Variants in DENND1A observed in about 807,000 individuals in gnomAD.
DENND1A encodes DENN domain containing 1A.
In DENND1A, 51 loss-of-function variants were observed where a neutral mutation model predicts 113.7. The ratio of observed to expected loss-of-function variants is 0.45; its 90% CI spans 0.36 to 0.57. The LOEUF (loss-of-function observed/expected upper bound fraction) is 0.57. Ranked by LOEUF, DENND1A falls within the 20% of genes least tolerant of loss-of-function variation. The pLI is 0.00. For synonymous variants in DENND1A, 565 were observed against 570.8 expected, an observed-to-expected ratio of 0.99 and a Z score of 0.14; for missense variants, 1,258 against 1,395.9, an observed-to-expected ratio of 0.90 and a Z score of 1.57.
chr9:123,493,725 A>G (rs1205450306), intron 13 of DENND1A, among the ~76,000 whole-genome samples: 2 of 152,164 alleles, frequency 1.3e-5, no homozygotes, highest in Non-Finnish European at 2.9e-5. Flanking sequence ...GTACCGAAGA[A>G]TAGCCCGAGA....
intron 2 of DENND1A, among the ~76,000 whole-genome samples, chr9:123,855,927 C>T (rs540410341): frequency 1.9e-4 from 29 of 152,194 alleles, no homozygotes; most frequent in Non-Finnish European, 3.8e-4. Flanking sequence ...ATCCCAGCTA[C>T]TCGGGAGGCT....
At chr9:123,811,575 T>G (rs1029778758) in intron 2 of DENND1A, among the ~76,000 whole-genome samples, 2 of 152,150 alleles carry the variant, frequency 1.3e-5, no homozygotes, top group South Asian at 2.1e-4. Context: ...GTGGCTAACA[T>G]GGTGAAACCC....
At chr9:123,487,521 AATGCGC>A (rs1161026264) in intron 13 of DENND1A, among the ~76,000 whole-genome samples, 1 of 152,222 alleles carries the variant, frequency 6.6e-6, no homozygotes, top group Non-Finnish European at 1.5e-5. Flanking sequence ...CTCTCAGACC[AATGCGC>A]ATGGCCCCCA....
chr9:123,799,956 T>C (rs1834362620), intron 2 of DENND1A, among the ~76,000 whole-genome samples: 1 of 152,274 alleles, frequency 6.6e-6, no homozygotes, highest in African/African-American at 2.4e-5. Context: ...ATAAATTCAA[T>C]GACTACAGAT....
chr9:123,425,469 G>A (rs530071260), intron 19 of DENND1A, among the ~76,000 whole-genome samples: 51 of 152,364 alleles, frequency 3.3e-4, no homozygotes, highest in African/African-American at 1.2e-3. Flanking sequence ...TGCAGGCGCC[G>A]CAGAACAAGT....
intron 13 of DENND1A, among the ~76,000 whole-genome samples, chr9:123,487,164 T>A (rs764212762): frequency 6.6e-6 from 1 of 152,170 alleles, no homozygotes; most frequent in Non-Finnish European, 1.5e-5. Context: ...AGTCTAGACA[T>A]CATTTGAGCT....
chr9:123,912,864 G>A (rs996254867), intron 1 of DENND1A, among the ~76,000 whole-genome samples: 3 of 151,948 alleles, frequency 2.0e-5, no homozygotes, highest in Non-Finnish European at 2.9e-5. Context: ...CCTCCACCCC[G>A]TGGTGTCTGT....
chr9:123,610,845 A>C (rs2060386137), intron 10 of DENND1A, among the ~76,000 whole-genome samples: 1 of 152,240 alleles, frequency 6.6e-6, no homozygotes, highest in African/African-American at 2.4e-5. Context: ...TTTAGGCTTT[A>C]TCCTGAAAGC....
chr9:123,557,988 T>C (rs2057523679), intron 12 of DENND1A, among the ~76,000 whole-genome samples: 1 of 142,096 alleles, frequency 7.0e-6, no homozygotes, highest in South Asian at 2.2e-4. Flanking sequence ...AGAAACTCAG[T>C]CTCAAAAAAA....
chr9:123,929,338 G>C (rs1027616830), intron 1 of DENND1A, among the ~76,000 whole-genome samples: 2 of 152,194 alleles, frequency 1.3e-5, no homozygotes, highest in Non-Finnish European at 2.9e-5. Context: ...TTGCTGCGTG[G>C]AGATTTTCAC....
chr9:123,836,622 A>C (rs1270297386), intron 2 of DENND1A, among the ~76,000 whole-genome samples: 1 of 152,186 alleles, frequency 6.6e-6, no homozygotes, highest in Non-Finnish European at 1.5e-5. Flanking sequence ...ATCTCATATT[A>C]GAGAATTTTT....
At chr9:123,639,670 G>A (rs2061920528) in intron 9 of DENND1A, among the ~76,000 whole-genome samples, 2 of 151,412 alleles carry the variant, frequency 1.3e-5, no homozygotes, top group East Asian at 3.9e-4. Context: ...TCGGCTACTC[G>A]GGAGGCTGAG....
intron 13 of DENND1A, among the ~76,000 whole-genome samples, chr9:123,462,397 C>T (rs2048596887): frequency 6.6e-6 from 1 of 152,214 alleles, no homozygotes; most frequent in Non-Finnish European, 1.5e-5. Context: ...TTCCCAAACC[C>T]AGGTGTGCAG....
At chr9:123,784,812 T>C (rs1485211641) in intron 3 of DENND1A, among the ~76,000 whole-genome samples, 1 of 152,136 alleles carries the variant, frequency 6.6e-6, no homozygotes, top group African/African-American at 2.4e-5. Context: ...TTTTAATGAG[T>C]TCCTTCTACA....
intron 21 of DENND1A, among the ~76,000 whole-genome samples, chr9:123,390,502 C>T (rs981559874): frequency 6.6e-5 from 10 of 152,208 alleles, no homozygotes; most frequent in African/African-American, 1.2e-4. Flanking sequence ...TTATAGAGGC[C>T]ACTTCTACCC....
chr9:123,684,748 A>T (rs1330979498), intron 5 of DENND1A, among the ~76,000 whole-genome samples: 1 of 152,250 alleles, frequency 6.6e-6, no homozygotes, highest in African/African-American at 2.4e-5. Flanking sequence ...CATCAATGGC[A>T]TCTACCCACA....
At chr9:123,820,919 G>C (rs1292969117) in intron 2 of DENND1A, among the ~76,000 whole-genome samples, 1 of 152,104 alleles carries the variant, frequency 6.6e-6, no homozygotes, top group African/African-American at 2.4e-5. Flanking sequence ...TTTCTTTTCT[G>C]TCTTACCTTT....
At chr9:123,638,630 T>G (rs1379458391) in intron 9 of DENND1A, among the ~76,000 whole-genome samples, 1 of 151,950 alleles carries the variant, frequency 6.6e-6, no homozygotes, top group Non-Finnish European at 1.5e-5. Flanking sequence ...CCCAGCTAAT[T>G]TTTGTGTTTT....
chr9:123,869,503 T>G (rs1243629767), intron 2 of DENND1A, among the ~76,000 whole-genome samples: 1 of 152,240 alleles, frequency 6.6e-6, no homozygotes, highest in Non-Finnish European at 1.5e-5. Context: ...GAGTAAAGCT[T>G]TCTTTTTCTA....
Sources: gnomAD v4.1 joint callset for allele counts (sites outside exome capture counted in the v4.1 genomes callset) on GRCh38, gnomAD v4.1.1 for gene constraint, MANE v1.5 for transcripts, NCBI Gene and HGNC (gene_info 2026-07-23, HGNC 2026-07-21) for gene names.